Variants in CHEK2 observed in about 807,000 individuals in gnomAD.
CHEK2 encodes serine/threonine-protein kinase Chk2.
CHEK2 carries 71 observed loss-of-function variants against 69.1 expected under a neutral mutation model. The observed-to-expected ratio is 1.03, with a 90% CI of 0.85 to 1.25. CHEK2 has a LOEUF of 1.25. Ranked by LOEUF, CHEK2 falls within the 50% of genes most tolerant of loss-of-function variation. The pLI, the probability that CHEK2 is intolerant of heterozygous loss-of-function variation, is 0.00. For synonymous variants in CHEK2, 189 were observed against 226.9 expected (o/e 0.83, Z 1.50); for missense variants, 664 against 649.6 (o/e 1.02, Z -0.24).
At chr22:28,706,520 T>G (rs2053148474) in intron 7 of CHEK2, among the ~76,000 whole-genome samples, 2 of 152,198 alleles carry the variant, frequency 1.3e-5, no homozygotes. Flanking sequence ...CATGGCTCAC[T>G]GCAGTCTCAA....
chr22:28,698,349 C>T (rs2052675608), intron 9 of CHEK2, among the ~76,000 whole-genome samples: 6 of 151,488 alleles, frequency 4.0e-5, no homozygotes, highest in Admixed American at 3.3e-4. Flanking sequence ...GAGCCGAGAT[C>T]GTGCCATTGG....
intron 13 of CHEK2, among the ~76,000 whole-genome samples, chr22:28,689,858 T>G (rs1430663623): frequency 6.6e-6 from 1 of 151,990 alleles, no homozygotes; most frequent in Middle Eastern, 3.2e-3. Flanking sequence ...TGTATGCGAG[T>G]AGCTCCCACC....
intron 7 of CHEK2, among the ~76,000 whole-genome samples, chr22:28,705,025 T>C (rs1421707529): frequency 6.6e-6 from 1 of 151,974 alleles, no homozygotes; most frequent in Non-Finnish European, 1.5e-5. Context: ...ATGATACAAG[T>C]TGAGCATCCC....
At chr22:28,706,616 G>C (rs1165860799) in intron 7 of CHEK2, among the ~76,000 whole-genome samples, 1 of 151,772 alleles carries the variant, frequency 6.6e-6, no homozygotes, top group South Asian at 2.1e-4. Context: ...GCTGTAAAAA[G>C]TACCTTTTAA....
rs2054340255 is a variant in CHEK2, at chr22:28,734,704, A to ATCCC, written c.17_18insGGGA (p.Asp6GlufsTer4). ...TGCCATGAGACTGCTGAGCCTCAACATCCGACTCCCGAGACATCACGACCT... is the reference window on the plus strand; with the variant it reads ...TGCCATGAGACTGCTGAGCCTCAACATCCCTCCGACTCCCGAGACATCACGACCT... On this transcript the variant is annotated frameshift_variant, in exon 2 of 15. Coordinates refer to ENST00000404276, the MANE Select transcript of CHEK2 (RefSeq NM_007194.4). LOFTEE classifies it high-confidence loss of function. 6.2e-7 allele frequency: 1 copy of ATCCC among 1,613,656 alleles called. No homozygotes were observed. Among genetic ancestry groups the ATCCC allele is most frequent in the African/African-American group, 1.3e-5 (1 of 74,894 alleles).
intron 2 of CHEK2, among the ~76,000 whole-genome samples, chr22:28,728,694 A>G (rs1052966127): frequency 1.3e-5 from 2 of 151,838 alleles, no homozygotes; most frequent in African/African-American, 4.8e-5. Flanking sequence ...AGAGAGAGAG[A>G]CTCTGTCTCC....
At chr22:28,702,920 T>C (rs1341516539) in intron 8 of CHEK2, among the ~76,000 whole-genome samples, 2 of 152,222 alleles carry the variant, frequency 1.3e-5, no homozygotes, top group Admixed American at 6.5e-5. Flanking sequence ...ATAGTGGTTC[T>C]ACAGTACTGT....
rs1483964791 is a variant in CHEK2, at chr22:28,695,236, A to C, written c.1266T>G (p.Ser422Arg). 1 of 1,575,438 alleles carries C rather than the reference A, an allele frequency of 6.3e-7. No individual in the cohort carries two copies. Among genetic ancestry groups the C allele is most frequent in the Non-Finnish European group, 8.7e-7 (1 of 1,144,962 alleles). Residue 422 changes from serine (S) to arginine (R), a missense_variant, in exon 12 of 15, where the codon AGT becomes AGG. Transcript: ENST00000404276. ...TATGCTCAGAGAAAGGTGGATACCC[A>C]CTAAGGCTTAATATTGGTAGAGAGA... ...SLGVILFICL[S>R]GYPPFSEHRT...
At chr22:28,717,815 G>A (rs909285339) in intron 5 of CHEK2, among the ~76,000 whole-genome samples, 4 of 152,196 alleles carry the variant, frequency 2.6e-5, no homozygotes, top group Non-Finnish European at 5.9e-5. Context: ...GGAGGCAGAG[G>A]TTGCATTGAG....
intron 2 of CHEK2, chr22:28,730,466 A>G (rs1257015316): frequency 2.9e-6 from 2 of 699,270 alleles, no homozygotes; most frequent in Non-Finnish European, 5.2e-6. Flanking sequence ...CTCTTATCCC[A>G]GCACTTTGGG....
chr22:28,700,468 C>T (rs899718355), intron 8 of CHEK2, among the ~76,000 whole-genome samples: 1 of 151,984 alleles, frequency 6.6e-6, no homozygotes, highest in Non-Finnish European at 1.5e-5. Flanking sequence ...GCCCACTTTG[C>T]CCTCCCAAAA....
intron 5 of CHEK2, among the ~76,000 whole-genome samples, chr22:28,717,413 G>A (rs2053622055): frequency 6.6e-6 from 1 of 152,010 alleles, no homozygotes; most frequent in Non-Finnish European, 1.5e-5. Flanking sequence ...ATCTTAACAT[G>A]TAGTAAATTT....
intron 2 of CHEK2, among the ~76,000 whole-genome samples, chr22:28,733,896 T>C (rs1244148090): frequency 1.3e-5 from 2 of 148,556 alleles, no homozygotes; most frequent in Non-Finnish European, 3.0e-5. Flanking sequence ...TGCACTTGTC[T>C]GTGCGACAGA....
chr22:28,704,228 A>G (rs2053018025), intron 7 of CHEK2, among the ~76,000 whole-genome samples: 1 of 152,104 alleles, frequency 6.6e-6, no homozygotes, highest in Admixed American at 6.6e-5. Flanking sequence ...AGGGTAAGGA[A>G]GAGAATACTG....
intron 4 of CHEK2, among the ~76,000 whole-genome samples, chr22:28,722,553 A>G (rs1049101362): frequency 6.6e-6 from 1 of 151,160 alleles, no homozygotes; most frequent in Non-Finnish European, 1.5e-5. Context: ...AAAAAAAAAA[A>G]AAAAAAGAAA....
intron 6 of CHEK2, among the ~76,000 whole-genome samples, chr22:28,710,932 T>A (rs1201840470): frequency 6.6e-6 from 1 of 152,028 alleles, no homozygotes; most frequent in African/African-American, 2.4e-5. Flanking sequence ...TATTTTCTTC[T>A]CCCCAAAATG....
At chr22:28,728,147 A>G (rs1359656986) in intron 2 of CHEK2, 2 of 152,186 alleles carry the variant, frequency 1.3e-5, no homozygotes, top group African/African-American at 4.8e-5. Flanking sequence ...AAAATTAACA[A>G]ATCCAAATTT....
At chr22:28,696,197 G>A (rs17883694) in intron 10 of CHEK2, among the ~76,000 whole-genome samples, 1 of 152,156 alleles carries the variant, frequency 6.6e-6, no homozygotes, top group Non-Finnish European at 1.5e-5. Context: ...TTAGACCCCA[G>A]TGTCTCAAAC....
rs746859792 is a variant in CHEK2, at chr22:28,724,934, G to A, written c.592+43C>T. The A allele has an allele frequency of 8.1e-6, 13 of 1,606,178 alleles. No individual in the cohort carries two copies. In the Admixed American group the frequency reaches 1.7e-4, roughly 21 times the overall value. ...GGACAAATTTTCCTCCTATGAGAGA[G>A]TGGAAAAAAAAAATTCCAGTAACCA... On this transcript the variant is annotated intron_variant, in intron 4 of 14. Transcript: ENST00000404276.
Sources: allele counts gnomAD v4.1 joint callset (sites outside exome capture counted in the v4.1 genomes callset), GRCh38; gene constraint gnomAD v4.1.1; transcripts MANE v1.5; gene names NCBI Gene and HGNC (gene_info 2026-07-23, HGNC 2026-07-21).